ANK2: variants seen among roughly 807,000 people sequenced by gnomAD.
ANK2 encodes ankyrin 2.
ANK2 carries 83 observed loss-of-function variants against 360.5 expected under a neutral mutation model. That is an observed-to-expected ratio of 0.23 (90% confidence interval 0.19 to 0.28). ANK2 has a LOEUF of 0.28. ANK2 is among the 10% of genes least tolerant of loss of function. The pLI, the probability that ANK2 is intolerant of heterozygous loss-of-function variation, is 1.00. For missense variants in ANK2, 4,201 were observed against 4,795.7 expected, an observed-to-expected ratio of 0.88 and a Z score of 3.66; for synonymous variants, 1,740 against 1,759.5, an observed-to-expected ratio of 0.99 and a Z score of 0.28.
rs2153836574 is a variant in ANK2 at position 113,317,816 on chromosome 4, G to A, written c.2796+7G>A. On this transcript the variant is annotated splice_region_variant and intron_variant, in intron 25 of 45. Transcript: ENST00000357077. ...TGTGATTCCCAGTCACCAGGTATGT[G>A]ACATTTTGCCTTCATGTCTTTGCTT... is the stretch of plus-strand genomic sequence containing the variant. The A allele has an allele frequency of 6.2e-7, 1 of 1,608,890 alleles. No homozygotes were observed. Among genetic ancestry groups the A allele is most frequent in the South Asian group, 1.1e-5 (1 of 90,870 alleles).
At chr4:113,068,125 T>G (rs1031571004) in intron 1 of ANK2, among the ~76,000 whole-genome samples, 1 of 152,196 alleles carries the variant, frequency 6.6e-6, no homozygotes, top group African/African-American at 2.4e-5. Flanking sequence ...CCCCTGAGTG[T>G]TGGAAAGATG....
intron 1 of ANK2, among the ~76,000 whole-genome samples, chr4:112,848,354 G>T (rs2063819070): frequency 1.3e-5 from 2 of 152,230 alleles, no homozygotes; most frequent in South Asian, 4.1e-4. Flanking sequence ...TAGAGACAGG[G>T]TTTCACCACA....
chr4:113,057,348 C>G (rs2070600433), intron 1 of ANK2, among the ~76,000 whole-genome samples: 1 of 152,074 alleles, frequency 6.6e-6, no homozygotes, highest in African/African-American at 2.4e-5. Flanking sequence ...TAGTACAGAG[C>G]CGTAAGTTAT....
At chr4:113,352,329 C>G (rs1284075619) in intron 37 of ANK2, among the ~76,000 whole-genome samples, 1 of 152,148 alleles carries the variant, frequency 6.6e-6, no homozygotes, top group East Asian at 1.9e-4. Context: ...CCTCCTTGGT[C>G]TGTCCATTCT....
At chr4:112,903,070 T>C (rs1305880457) in intron 1 of ANK2, among the ~76,000 whole-genome samples, 1 of 152,190 alleles carries the variant, frequency 6.6e-6, no homozygotes, top group East Asian at 1.9e-4. Context: ...AATCCAGGAA[T>C]TGTTTCACAC....
intron 1 of ANK2, chr4:113,152,329 T>C (rs971647419): frequency 1.3e-5 from 2 of 152,136 alleles, no homozygotes; most frequent in Non-Finnish European, 2.9e-5. Context: ...AGAGTCCTCT[T>C]TTCAGCTGTA....
chr4:112,913,116 C>T (rs1406879110), intron 2 of ANK2, among the ~76,000 whole-genome samples: 5 of 152,122 alleles, frequency 3.3e-5, no homozygotes, highest in Non-Finnish European at 7.4e-5. Flanking sequence ...TGGTAGAGTA[C>T]AGAGTTCTTC....
intron 2 of ANK2, among the ~76,000 whole-genome samples, chr4:113,016,650 A>G (rs753001308): frequency 2.6e-5 from 4 of 151,954 alleles, no homozygotes; most frequent in Admixed American, 6.6e-5. Context: ...CCCCCAACAT[A>G]AGTTTTGTCC....
intron 13 of ANK2, among the ~76,000 whole-genome samples, chr4:113,259,147 TC>T (rs1395992100): frequency 6.6e-6 from 1 of 152,188 alleles, no homozygotes; most frequent in Admixed American, 6.5e-5. Flanking sequence ...TCTTGGATTT[TC>T]CCCCTTTAAA....
At chr4:112,713,698 G>A in the ANK2 span, among the ~76,000 whole-genome samples, 6 of 152,012 alleles carry the variant, frequency 3.9e-5, no homozygotes, top group African/African-American at 1.4e-4. Flanking sequence ...AAACTGGCCC[G>A]AGGCGGGCGG....
intron 2 of ANK2, among the ~76,000 whole-genome samples, chr4:112,926,847 A>G (rs1172754131): frequency 1.3e-5 from 2 of 152,214 alleles, no homozygotes; most frequent in Non-Finnish European, 2.9e-5. Context: ...TCCATATTGT[A>G]TTAGTCCATT....
chr4:112,743,997 T>G, the ANK2 span, among the ~76,000 whole-genome samples: 2 of 151,628 alleles, frequency 1.3e-5, no homozygotes, highest in Admixed American at 6.6e-5. Context: ...CCTGGCTAAT[T>G]TTTTTTGTAT....
At chr4:113,207,700 AAAAAAAG>A (rs918899826) in intron 4 of ANK2, among the ~76,000 whole-genome samples, 14 of 151,908 alleles carry the variant, frequency 9.2e-5, no homozygotes, top group African/African-American at 3.4e-4. Context: ...AAAAAAAAAA[AAAAAAAG>A]AAGAAGTAAA....
Position 112,960,333 on chromosome 4 carries a change from G to T in ANK2, c.21+55819G>T, listed in dbSNP as rs184822251. On this transcript the variant is annotated intron_variant, in intron 2 of 30. Transcript: ENST00000503271. ...TGGATTCTAAACCAGAGGTAGAGCA[G>T]CATTAGTGTCTGCCTTTTTTTTTTT... Among the ~76,000 whole-genome samples the T allele has an allele frequency of 4.6e-3, 698 of 151,332 alleles. 3 individuals are homozygous for T. Among genetic ancestry groups the T allele is most frequent in the Middle Eastern group, 0.01 (3 of 290 alleles).
At chr4:113,277,992 T>C (rs1376865551) in intron 16 of ANK2, 57 bp downstream of exon 16, 2 of 1,485,140 alleles carry the variant, frequency 1.3e-6, no homozygotes, top group Non-Finnish European at 1.9e-6. Context: ...GATTAGGAGA[T>C]CTGTAAAGAC....
intron 1 of ANK2, among the ~76,000 whole-genome samples, chr4:113,133,412 T>C (rs2096190800): frequency 6.6e-6 from 1 of 152,142 alleles, no homozygotes; most frequent in South Asian, 2.1e-4. Context: ...AATCTCATTT[T>C]TTAGGGGAAG....
chr4:112,816,019 A>G (rs968734606), upstream of ANK2, among the ~76,000 whole-genome samples: 7 of 152,224 alleles, frequency 4.6e-5, no homozygotes, highest in Admixed American at 3.9e-4. Flanking sequence ...GGAACCCCCA[A>G]TTTGTAGCCA....
chr4:113,113,849 G>A (rs886334681), intron 1 of ANK2, among the ~76,000 whole-genome samples: 1 of 152,154 alleles, frequency 6.6e-6, no homozygotes, highest in African/African-American at 2.4e-5. Context: ...AGAAATCATA[G>A]TTAAGTTTGA....
upstream of ANK2, among the ~76,000 whole-genome samples, chr4:113,046,817 T>TGC (rs2064601594): frequency 1.3e-5 from 2 of 152,172 alleles, no homozygotes; most frequent in African/African-American, 4.8e-5. Flanking sequence ...TTTACAACCA[T>TGC]GCACTGTATG....
Sources: allele counts gnomAD v4.1 joint callset (sites outside exome capture counted in the v4.1 genomes callset), GRCh38; gene constraint gnomAD v4.1.1; transcripts MANE v1.5; gene names NCBI Gene and HGNC (gene_info 2026-07-23, HGNC 2026-07-21).